Variants in DTNBP1 observed in about 807,000 individuals in gnomAD.
DTNBP1 encodes dystrobrevin binding protein 1, also known as dysbindin.
In DTNBP1, 35 loss-of-function variants were observed where a neutral mutation model predicts 42.8. The ratio of observed to expected loss-of-function variants is 0.82; its 90% CI spans 0.63 to 1.09. The LOEUF is 1.09. Among genes scored for constraint, DTNBP1 ranks in the 50% least tolerant of loss-of-function variants. The pLI is 0.00. For synonymous variants in DTNBP1, 171 were observed against 162.2 expected, an observed-to-expected ratio of 1.05 and a Z score of -0.41; for missense variants, 457 against 424.2, an observed-to-expected ratio of 1.08 and a Z score of -0.68.
chr6:15,563,336 A>G (rs1166674065), intron 7 of DTNBP1, among the ~76,000 whole-genome samples: 3 of 152,248 alleles, frequency 2.0e-5, no homozygotes, highest in Admixed American at 6.5e-5. Flanking sequence ...CAGCAAAAGC[A>G]TAACTCATAA....
At chr6:15,607,080 A>G (rs1758105842) in intron 6 of DTNBP1, among the ~76,000 whole-genome samples, 1 of 146,880 alleles carries the variant, frequency 6.8e-6, no homozygotes, top group Admixed American at 6.9e-5. Context: ...GTGTGAGCTC[A>G]GCTCACTGCA....
chr6:15,562,672 G>A (rs1239144599), intron 7 of DTNBP1, among the ~76,000 whole-genome samples: 5 of 152,150 alleles, frequency 3.3e-5, no homozygotes, highest in Non-Finnish European at 5.9e-5. Flanking sequence ...AGTGTGCCGG[G>A]GAATGGAGTA....
chr6:15,528,115 A>T (rs572454197), intron 8 of DTNBP1, among the ~76,000 whole-genome samples: 1 of 152,344 alleles, frequency 6.6e-6, no homozygotes, highest in East Asian at 1.9e-4. Context: ...AAGGTTCGTC[A>T]ACAAACTTGA....
At chr6:15,640,248 A>G (rs1399308061) in intron 3 of DTNBP1, among the ~76,000 whole-genome samples, 2 of 152,236 alleles carry the variant, frequency 1.3e-5, no homozygotes, top group Non-Finnish European at 2.9e-5. Context: ...TACACACAGC[A>G]GGTATTACAC....
At chr6:15,533,475 A>C (rs1581706047) in intron 7 of DTNBP1, 80 bp from the exon 8 acceptor site, 1 of 1,608,504 alleles carries the variant, frequency 6.2e-7, no homozygotes, top group Non-Finnish European at 8.5e-7. Flanking sequence ...GCTCGCATCC[A>C]CCCTCCAAGT....
intron 7 of DTNBP1, among the ~76,000 whole-genome samples, chr6:15,541,522 A>G (rs1488903778): frequency 2.6e-5 from 4 of 152,254 alleles, no homozygotes; most frequent in African/African-American, 7.2e-5. Flanking sequence ...AATGGACTTC[A>G]GATTAAAAGA....
intron 7 of DTNBP1, among the ~76,000 whole-genome samples, chr6:15,583,909 G>C (rs2113588301): frequency 6.6e-6 from 1 of 152,060 alleles, no homozygotes; most frequent in East Asian, 1.9e-4. Flanking sequence ...ACCTAAACAA[G>C]CTGTTAAAGT....
chr6:15,545,814 T>C (rs1323830583), intron 7 of DTNBP1, among the ~76,000 whole-genome samples: 4 of 152,158 alleles, frequency 2.6e-5, no homozygotes, highest in Admixed American at 6.5e-5. Flanking sequence ...ATTAACAAAA[T>C]GAACACTGCA....
chr6:15,610,997 T>C (rs189025499), intron 6 of DTNBP1, among the ~76,000 whole-genome samples: 1 of 152,336 alleles, frequency 6.6e-6, no homozygotes, highest in Non-Finnish European at 1.5e-5. Context: ...AAACAGCAGA[T>C]TGTCAACAGA....
chr6:15,570,175 A>C (rs2113522007), intron 7 of DTNBP1, among the ~76,000 whole-genome samples: 1 of 149,952 alleles, frequency 6.7e-6, no homozygotes, highest in East Asian at 1.9e-4. Context: ...GGTTTACAGA[A>C]AAAAAAAAAA....
rs371211122 is a variant in DTNBP1, at chr6:15,526,135, C to T, written c.668-1466G>A. Among the ~76,000 whole-genome samples, 110 of 152,272 alleles carry T rather than the reference C, an allele frequency of 7.2e-4. No homozygotes were observed. In the South Asian group the frequency reaches 0.022, roughly 30 times the overall value. On this transcript the variant is annotated intron_variant, in intron 8 of 9. Coordinates refer to ENST00000344537, the MANE Select transcript of DTNBP1 (RefSeq NM_032122.5). ...AAATGTCATCTCTAAAATGGTGTAACATTAGGTATCGTTTAAGATCCAGGA... is the reference window on the plus strand; with the variant it reads ...AAATGTCATCTCTAAAATGGTGTAATATTAGGTATCGTTTAAGATCCAGGA...
chr6:15,637,830 A>C (rs1181135242), intron 3 of DTNBP1, 26 bp from the exon 4 acceptor site: 35 of 1,603,882 alleles, frequency 2.2e-5, no homozygotes, highest in Non-Finnish European at 3.0e-5. Context: ...AAATAATTTG[A>C]AATGCAAACC....
At chr6:15,601,767 A>T (rs1034616052) in intron 6 of DTNBP1, among the ~76,000 whole-genome samples, 1 of 151,118 alleles carries the variant, frequency 6.6e-6, no homozygotes, top group South Asian at 2.1e-4. Context: ...AATCACTTGG[A>T]CCTGGAGGCA....
intron 1 of DTNBP1, among the ~76,000 whole-genome samples, chr6:15,658,308 T>C (rs144205547): frequency 1.2e-3 from 185 of 152,322 alleles, no homozygotes; most frequent in African/African-American, 4.3e-3. Context: ...TTTAAGATGA[T>C]GATTAATCCC....
At chr6:15,583,001 A>G (rs1285667099) in intron 7 of DTNBP1, among the ~76,000 whole-genome samples, 1 of 152,146 alleles carries the variant, frequency 6.6e-6, no homozygotes, top group Non-Finnish European at 1.5e-5. Flanking sequence ...TATTTTAGAG[A>G]CAGGGTCTTG....
At chr6:15,577,098 A>G (rs189099574) in intron 7 of DTNBP1, among the ~76,000 whole-genome samples, 4 of 152,346 alleles carry the variant, frequency 2.6e-5, no homozygotes, top group Non-Finnish European at 5.9e-5. Context: ...AGCAGAAGGG[A>G]ACGAGCCAGG....
chr6:15,599,448 G>A (rs1031704717), intron 6 of DTNBP1, among the ~76,000 whole-genome samples: 33 of 152,264 alleles, frequency 2.2e-4, no homozygotes, highest in African/African-American at 7.9e-4. Context: ...ATCATCTTCA[G>A]CATCCAGAAT....
chr6:15,593,365 A>G (rs1363182943), intron 6 of DTNBP1, among the ~76,000 whole-genome samples: 1 of 147,520 alleles, frequency 6.8e-6, no homozygotes, highest in Non-Finnish European at 1.5e-5. Context: ...AATTATAAGA[A>G]CACAGACAGC....
At chr6:15,610,200 G>A (rs1372070322) in intron 6 of DTNBP1, among the ~76,000 whole-genome samples, 3 of 152,174 alleles carry the variant, frequency 2.0e-5, no homozygotes, top group South Asian at 2.1e-4. Flanking sequence ...CTTCACATAC[G>A]TGCTTTCAAC....
Sources: allele counts gnomAD v4.1 joint callset (sites outside exome capture counted in the v4.1 genomes callset), GRCh38; gene constraint gnomAD v4.1.1; transcripts MANE v1.5; gene names NCBI Gene and HGNC (gene_info 2026-07-23, HGNC 2026-07-21).